The following ITPR3 variants were observed in gnomAD, a reference collection of about 807,000 sequenced individuals.
ITPR3 encodes the protein inositol 1,4,5-trisphosphate receptor type 3.
A neutral mutation model predicts 293.2 loss-of-function variants in ITPR3; 173 were observed. That is an observed-to-expected ratio of 0.59 (90% CI 0.52 to 0.67). The LOEUF (loss-of-function observed/expected upper bound fraction) is 0.67, where lower values mean the gene tolerates loss of function less well. Ranked by LOEUF, ITPR3 falls within the 30% of genes least tolerant of loss-of-function variation. The probability of loss-of-function intolerance (pLI) is 0.00; values close to 1 mark genes in which losing one functional copy is unlikely to be tolerated. For synonymous variants in ITPR3, 1,295 were observed against 1,444.4 expected (o/e 0.90, Z 2.35); for missense variants, 2,796 against 3,592.1 (o/e 0.78, Z 5.66).
intron 2 of ITPR3, among the ~76,000 whole-genome samples, chr6:33,649,537 T>C (rs1764141924): frequency 6.6e-6 from 1 of 152,260 alleles, no homozygotes; most frequent in South Asian, 2.1e-4. Context: ...TTTTTATTTT[T>C]AAGTCATCAA....
Position 33,676,942 on chromosome 6 carries a change from G to C in ITPR3, c.3447+10G>C, listed in dbSNP as rs779542306. 22 of 1,613,946 alleles carry C rather than the reference G, an allele frequency of 1.4e-5. No homozygotes were observed. In the Admixed American group the frequency reaches 3.7e-4, roughly 27 times the overall value. On this transcript the variant is annotated intron_variant, in intron 26 of 57. Coordinates refer to ENST00000605930, the MANE Select transcript of ITPR3 (RefSeq NM_002224.4). The stretch of plus-strand genomic sequence containing the variant: ...CAAGGACAAGAAAGAGGTAAGTGGG[G>C]CTCCAGGGGGCCAGGGCAGGCCTCC...
At chr6:33,668,269 C>G (rs12195707) in intron 16 of ITPR3, among the ~76,000 whole-genome samples, 1 of 152,142 alleles carries the variant, frequency 6.6e-6, no homozygotes, top group Non-Finnish European at 1.5e-5. Flanking sequence ...AATATCACCT[C>G]GGCCCTTGCG....
chr6:33,665,794 TG>T, intron 13 of ITPR3, 40 bp from the exon 14 acceptor site: 1 of 1,607,606 alleles, frequency 6.2e-7, no homozygotes, highest in Non-Finnish European at 8.5e-7. Context: ...ACCTGCTGGG[TG>T]GGTATCTCAC....
At chr6:33,663,397 T>TGCCCAAACCCAGG (rs1484212828) in intron 9 of ITPR3, 103 bp from the exon 10 acceptor site, 1 of 1,201,096 alleles carries the variant, frequency 8.3e-7, no homozygotes, top group East Asian at 2.5e-5. Flanking sequence ...GCAGCCTGCC[T>TGCCCAAACCCAGG]GCCCAAACCC....
Position 33,621,388 on chromosome 6 carries a change from G to A in ITPR3, c.-215G>A, listed in dbSNP as rs1763431408. On this transcript the variant is annotated 5_prime_UTR_variant, in exon 1 of 58. Transcript: ENST00000605930. This position sits in a 1 kb window ranked among gnomAD's most constrained non-coding sequence, Gnocchi z 7.7. ...GGCGGGGCGGGCGGGCGGCGGGCGCGCCAAGACGTGGGCACCTCCTCACCC... is the reference window on the plus strand; with the variant it reads ...GGCGGGGCGGGCGGGCGGCGGGCGCACCAAGACGTGGGCACCTCCTCACCC... 1.8e-5 allele frequency: 5 copies of A among 284,042 alleles called. No homozygotes were observed. The highest frequency in any genetic ancestry group is 3.2e-5 in the Non-Finnish European group (5 of 154,022). 17.6% of individuals were successfully genotyped at this position (284,042 alleles called of 1,614,324 possible).
chr6:33,666,215 G>A lies in ITPR3; in HGVS notation c.1551+239G>A, dbSNP rs772226122. 8.6e-5 allele frequency among the ~76,000 whole-genome samples: 13 copies of A among 151,906 alleles called. No homozygotes were observed. Among genetic ancestry groups the A allele is most frequent in the Non-Finnish European group, 1.5e-4 (10 of 68,040 alleles). On this transcript the variant is annotated intron_variant, in intron 14 of 57. Coordinates refer to ENST00000605930, the MANE Select transcript of ITPR3 (RefSeq NM_002224.4). The surrounding 1 kb of genome is among the most constrained non-coding windows in gnomAD (Gnocchi z 5.1). Reference sequence around the variant, plus strand: ...GGAAGCTGAAACACAGGCCAGAGTCGCTGTCCCAGGGCTCACAGCTAGGAA... The same window carrying A: ...GGAAGCTGAAACACAGGCCAGAGTCACTGTCCCAGGGCTCACAGCTAGGAA...
Position 33,667,993 on chromosome 6 carries a change from G to A in ITPR3, c.1886+29G>A, listed in dbSNP as rs1162844573. On this transcript the variant is annotated intron_variant, in intron 16 of 57. Coordinates refer to ENST00000605930, the MANE Select transcript of ITPR3 (RefSeq NM_002224.4). The surrounding 1 kb of genome is among the most constrained non-coding windows in gnomAD (Gnocchi z 4.4). ...GGCCCGAACCCCCTCCCCGGCCGGC[G>A]CCTGCTCCTCCCTCCTCCCTTGCCT... 10 of 1,611,324 alleles carry A rather than the reference G, an allele frequency of 6.2e-6. No homozygotes were observed. In the East Asian group the frequency reaches 6.7e-5, roughly 11 times the overall value.
Position 33,676,851 on chromosome 6 carries a change from G to A in ITPR3, c.3366G>A (p.Glu1122=), listed in dbSNP as rs1252421508. The change falls in exon 26 of 58, where the codon GAG becomes GAA. Residue 1122 remains glutamate (E), a synonymous_variant. Coordinates refer to ENST00000605930, the MANE Select transcript of ITPR3 (RefSeq NM_002224.4). Reference sequence around the variant, plus strand: ...TGGACCGGCTGCGGACCATGGTGGAGAAGTCAGAGCTGTGGGTGGACAAGA... The same window carrying A: ...TGGACCGGCTGCGGACCATGGTGGAAAAGTCAGAGCTGTGGGTGGACAAGA... ...SELDRLRTMV[E]KSELWVDKKG... 1 of 1,614,134 alleles carries A rather than the reference G, an allele frequency of 6.2e-7. No individual in the cohort carries two copies. Among genetic ancestry groups the A allele is most frequent in the African/African-American group, 1.3e-5 (1 of 75,064 alleles).
chr6:33,659,492 C>T lies in ITPR3; in HGVS notation c.654C>T (p.Ser218=). 6.2e-7 allele frequency: 1 copy of T among 1,614,136 alleles called. No homozygotes were observed. The highest frequency in any genetic ancestry group is 8.5e-7 in the Non-Finnish European group (1 of 1,179,996). ...TCAATTCTGTGAACTGCAACACCAGCTGGAAGATCAACCTGTTTATGCAGT... is the reference window on the plus strand; with the variant it reads ...TCAATTCTGTGAACTGCAACACCAGTTGGAAGATCAACCTGTTTATGCAGT... The part of the protein sequence containing the change: ...KEVNSVNCNT[S]WKINLFMQFR... The change falls in exon 7 of 58, where the codon AGC becomes AGT. Residue 218 remains serine (S), a synonymous_variant. Coordinates refer to ENST00000605930, the MANE Select transcript of ITPR3 (RefSeq NM_002224.4).
chr6:33,683,541 ACTCTGGGGCTG>A lies in ITPR3; in HGVS notation c.4788+147_4788+157del. 2 of 725,780 alleles carry A rather than the reference ACTCTGGGGCTG, an allele frequency of 2.8e-6. No homozygotes were observed. Among genetic ancestry groups the A allele is most frequent in the Non-Finnish European group, 4.3e-6 (2 of 469,850 alleles). The allele number at this position is 725,780 out of a possible 1,614,324, so 45.0% of individuals were successfully genotyped here. A position where few individuals can be genotyped will look rare whatever the true frequency, so the allele number is the denominator to read the frequency against. ...GGAAGGGGCTGGTTGGCTTCTCTAC[ACTCTGGGGCTG>A]CTAAGGGCCGACCCAGCAGCAAGGG... On this transcript the variant is annotated intron_variant, in intron 35 of 57. Coordinates refer to ENST00000605930, the MANE Select transcript of ITPR3 (RefSeq NM_002224.4). The surrounding 1 kb of genome is among the most constrained non-coding windows in gnomAD (Gnocchi z 4.5).
chr6:33,690,285 G>A, intron 51 of ITPR3, 87 bp downstream of exon 51: 1 of 1,292,304 alleles, frequency 7.7e-7, no homozygotes, highest in Non-Finnish European at 1.1e-6. Flanking sequence ...CCCGGCACCA[G>A]TCTGTCTGTC....
In ITPR3 at chr6:33,667,148, C is replaced by T; in HGVS notation, c.1571C>T (p.Ala524Val). ...ILKQVFGILK[A>V]PFREKGGEGP... The stretch of plus-strand genomic sequence containing the variant: ...CCCCAGGTCTTTGGCATTCTGAAGG[C>T]CCCGTTCCGTGAGAAGGGGGGTGAA... Residue 524 changes from alanine to valine, a missense_variant, in exon 15 of 58, where the codon GCC (alanine) becomes GTC (valine). This residue lies in a region of ITPR3 where 955 missense variants were observed against 1,180.8 expected (regional missense o/e 0.81). Coordinates refer to ENST00000605930, the MANE Select transcript of ITPR3 (RefSeq NM_002224.4). The surrounding 1 kb of genome is among the most constrained non-coding windows in gnomAD (Gnocchi z 4.4). The T allele has an allele frequency of 1.2e-6, 2 of 1,614,048 alleles. No individual in the cohort carries two copies. Among genetic ancestry groups the T allele is most frequent in the Non-Finnish European group, 1.7e-6 (2 of 1,179,948 alleles).
In ITPR3 at chr6:33,684,071, C is replaced by A; in HGVS notation, c.4840C>A (p.Leu1614Met). Residue 1614 changes from leucine (L) to methionine (M), a missense_variant, in exon 36 of 58, where the codon CTG (leucine) becomes ATG (methionine). Physicochemically the swap from Leu to Met is conservative, Grantham distance 15 (BLOSUM62 2). Coordinates refer to ENST00000605930, the MANE Select transcript of ITPR3 (RefSeq NM_002224.4). The surrounding 1 kb of genome is among the most constrained non-coding windows in gnomAD (Gnocchi z 4.2). ...ERLKPLVQAE[L>M]SVLVDVLHWP... The stretch of plus-strand genomic sequence containing the variant: ...GCTGAAGCCCCTGGTACAGGCTGAG[C>A]TGTCCGTGCTGGTGGATGTCCTGCA... 1.2e-6 allele frequency: 2 copies of A among 1,611,580 alleles called. No homozygotes were observed. The highest frequency in any genetic ancestry group is 1.7e-6 in the Non-Finnish European group (2 of 1,179,970).
chr6:33,630,766 G>C (rs138475790), intron 1 of ITPR3, among the ~76,000 whole-genome samples: 2 of 152,194 alleles, frequency 1.3e-5, no homozygotes, highest in African/African-American at 4.8e-5. Flanking sequence ...GGTTCTCTGC[G>C]TGTGCGGCTT....
chr6:33,625,668 G>C (rs967890484), intron 1 of ITPR3, among the ~76,000 whole-genome samples: 4 of 11,050 alleles, frequency 3.6e-4, no homozygotes, highest in Non-Finnish European at 1.5e-3. Flanking sequence ...CAGCCTTGGA[G>C]CCTATTTGGA....
intron 48 of ITPR3, 30 bp from the exon 49 acceptor site, chr6:33,688,626 C>T: frequency 6.2e-7 from 1 of 1,613,108 alleles, no homozygotes; most frequent in South Asian, 1.1e-5. Flanking sequence ...CCAGGGCCCT[C>T]CAGCAGCTCA....
At position 33,621,467 on chromosome 6, in the gene ITPR3, C is replaced by T; in HGVS notation, c.-136C>T. The stretch of plus-strand genomic sequence containing the variant: ...TGGCTCCCGTGGCCGCCAGCCCGCC[C>T]CGGCCGCACCGAGCGTCGGGATCCG... On this transcript the variant is annotated 5_prime_UTR_variant, in exon 1 of 58. Transcript: ENST00000605930. This position sits in a 1 kb window ranked among gnomAD's most constrained non-coding sequence, Gnocchi z 7.7. 3.5e-6 allele frequency: 2 copies of T among 565,922 alleles called. No homozygotes were observed. Among genetic ancestry groups the T allele is most frequent in the Non-Finnish European group, 6.0e-6 (2 of 334,250 alleles). The allele number at this position is 565,922 out of a possible 1,614,324, so 35.1% of individuals were successfully genotyped here. A position where few individuals can be genotyped will look rare whatever the true frequency, so the allele number is the denominator to read the frequency against.
intron 1 of ITPR3, among the ~76,000 whole-genome samples, chr6:33,627,965 C>T (rs1763588056): frequency 6.6e-6 from 1 of 152,228 alleles, no homozygotes; most frequent in Non-Finnish European, 1.5e-5. Context: ...ACTGCTCGGC[C>T]TGAATCCTGC....
intron 33 of ITPR3, among the ~76,000 whole-genome samples, chr6:33,681,655 G>A (rs1765080201): frequency 6.6e-6 from 1 of 152,140 alleles, no homozygotes. Context: ...CACAAAAGGG[G>A]CTACCTAGGG....
Sources: gnomAD v4.1 joint callset for allele counts (sites outside exome capture counted in the v4.1 genomes callset) on GRCh38, gnomAD v4.1.1 for gene constraint, gnomAD v4.1.1 regional missense constraint, Gnocchi (gnomAD v3.1) non-coding constraint, MANE v1.5 for transcripts, NCBI Gene and HGNC (gene_info 2026-07-23, HGNC 2026-07-21) for gene names.